Variants in DCDC1 observed in about 807,000 individuals in gnomAD.
DCDC1 encodes doublecortin domain-containing protein 1.
DCDC1 carries 200 observed loss-of-function variants against 178.3 expected under a neutral mutation model. That is an observed-to-expected ratio of 1.12 (90% CI 1.00 to 1.26). DCDC1 has a LOEUF of 1.26. Ranked by LOEUF, DCDC1 falls within the 50% of genes most tolerant of loss-of-function variation. The probability of loss-of-function intolerance (pLI) is 0.00; values close to 1 mark genes in which losing one functional copy is unlikely to be tolerated. For missense variants in DCDC1, 1,983 were observed against 1,749.2 expected, an observed-to-expected ratio of 1.13 and a Z score of -2.38; for synonymous variants, 690 against 604.8, an observed-to-expected ratio of 1.14 and a Z score of -2.07.
intron 20 of DCDC1, among the ~76,000 whole-genome samples, chr11:31,010,384 T>A (rs1056906362): frequency 6.6e-6 from 1 of 152,168 alleles, no homozygotes; most frequent in African/African-American, 2.4e-5. Context: ...GGACTTTGAT[T>A]TCAAGATGCC....
chr11:31,204,467 G>A (rs373122853), intron 9 of DCDC1, among the ~76,000 whole-genome samples: 4 of 151,580 alleles, frequency 2.6e-5, no homozygotes, highest in African/African-American at 9.7e-5. Flanking sequence ...TTCCTAGATA[G>A]GGAATTCCAA....
chr11:31,044,253 G>A (rs551694079), intron 20 of DCDC1, among the ~76,000 whole-genome samples: 11 of 152,130 alleles, frequency 7.2e-5, no homozygotes, highest in Non-Finnish European at 1.0e-4. Context: ...CAAGGCTGGC[G>A]GATCACAAAG....
intron 9 of DCDC1, among the ~76,000 whole-genome samples, chr11:31,192,880 A>C (rs1970281927): frequency 6.6e-6 from 1 of 152,110 alleles, no homozygotes; most frequent in Admixed American, 6.6e-5. Flanking sequence ...GCACTCATCA[A>C]TGTAAGTGAT....
At chr11:30,976,489 A>G (rs868793210) in intron 20 of DCDC1, among the ~76,000 whole-genome samples, 1 of 152,104 alleles carries the variant, frequency 6.6e-6, no homozygotes, top group South Asian at 2.1e-4. Flanking sequence ...TCAACAGTAA[A>G]AAGACAAATA....
rs944987725 is a variant in DCDC1, at chr11:31,211,899, G to A, written c.1221+29551C>T. 3.3e-5 allele frequency among the ~76,000 whole-genome samples: 5 copies of A among 151,974 alleles called. 1 individual carries two copies. The South Asian group carries it at 1.0e-3, about 32-fold the overall frequency. On this transcript the variant is annotated intron_variant, in intron 9 of 38. Transcript: ENST00000684477. ...AGATCGAGACCATCCTGGCTAACACGGTGAAACTCCGTCTCTACTAAAAAT... is the reference window on the plus strand; with the variant it reads ...AGATCGAGACCATCCTGGCTAACACAGTGAAACTCCGTCTCTACTAAAAAT...
chr11:30,871,251 G>C (rs1941525207), intron 38 of DCDC1, among the ~76,000 whole-genome samples: 1 of 152,152 alleles, frequency 6.6e-6, no homozygotes, highest in Non-Finnish European at 1.5e-5. Context: ...CCTCGGATAA[G>C]TAGAAAATTC....
chr11:31,106,641 C>G (rs922165840), intron 13 of DCDC1, among the ~76,000 whole-genome samples, 156 bp downstream of exon 13: 4 of 152,178 alleles, frequency 2.6e-5, no homozygotes, highest in Non-Finnish European at 5.9e-5. Flanking sequence ...TCATATTCCA[C>G]CAACAATACT....
At chr11:31,084,559 AC>A (rs1158230517) in intron 17 of DCDC1, among the ~76,000 whole-genome samples, 2 of 152,054 alleles carry the variant, frequency 1.3e-5, no homozygotes, top group Admixed American at 6.6e-5. Flanking sequence ...TTTTGGCTCC[AC>A]CTTGGATTTC....
At chr11:31,223,029 A>T (rs1433078003) in intron 9 of DCDC1, among the ~76,000 whole-genome samples, 2 of 152,232 alleles carry the variant, frequency 1.3e-5, no homozygotes, top group Non-Finnish European at 2.9e-5. Flanking sequence ...TTGAAATATC[A>T]AACATTAAAA....
intron 7 of DCDC1, among the ~76,000 whole-genome samples, chr11:31,273,850 G>A (rs7483900): frequency 6.6e-6 from 1 of 152,186 alleles, no homozygotes; most frequent in Non-Finnish European, 1.5e-5. Flanking sequence ...ACTCATGGTA[G>A]AAGGCAAATC....
chr11:30,935,250 C>G (rs574929854), intron 21 of DCDC1, among the ~76,000 whole-genome samples: 1 of 152,312 alleles, frequency 6.6e-6, no homozygotes, highest in East Asian at 1.9e-4. Context: ...GGTAGTCCAT[C>G]ATACGTCATC....
chr11:31,055,846 G>C (rs546570669), intron 20 of DCDC1, among the ~76,000 whole-genome samples: 4 of 152,186 alleles, frequency 2.6e-5, no homozygotes, highest in South Asian at 2.1e-4. Flanking sequence ...TTGGGTACTT[G>C]GGGGGAAGGA....
intron 36 of DCDC1, among the ~76,000 whole-genome samples, chr11:30,891,085 T>C (rs1943733603): frequency 6.6e-6 from 1 of 152,216 alleles, no homozygotes; most frequent in Non-Finnish European, 1.5e-5. Flanking sequence ...CCCATTTCTC[T>C]ACATTCCCAA....
chr11:31,177,686 T>G (rs1968238425), intron 9 of DCDC1, among the ~76,000 whole-genome samples: 2 of 152,124 alleles, frequency 1.3e-5, no homozygotes, highest in South Asian at 2.1e-4. Flanking sequence ...GCACATAACA[T>G]TCCATGAAAA....
chr11:31,189,604 A>G (rs571957037), intron 9 of DCDC1, among the ~76,000 whole-genome samples: 48 of 152,204 alleles, frequency 3.2e-4, no homozygotes, highest in African/African-American at 1.2e-3. Context: ...TGCAGGGGAG[A>G]ACCTGTTTCC....
chr11:30,876,619 T>C lies in DCDC1; in HGVS notation c.*40+1925A>G, dbSNP rs74326390. 1.9e-3 allele frequency among the ~76,000 whole-genome samples: 295 copies of C among 152,306 alleles called. 4 individuals are homozygous for C. In the East Asian group the frequency reaches 0.038, roughly 20 times the overall value. ...TCTCCTGATGCTTGATACAGCGTTG[T>C]GTGATATTACCAATTTTCGCTTCAG... On this transcript the variant is annotated intron_variant, in intron 38 of 38. Coordinates refer to ENST00000684477, the MANE Select transcript of DCDC1 (RefSeq NM_001387274.1).
chr11:31,280,600 A>C (rs1043127789), intron 7 of DCDC1: 3 of 351,486 alleles, frequency 8.5e-6, no homozygotes, highest in Non-Finnish European at 1.6e-5. Flanking sequence ...AAATCTATTA[A>C]AGTATGGTAT....
At chr11:30,993,023 C>T (rs939772144) in intron 20 of DCDC1, among the ~76,000 whole-genome samples, 1 of 151,920 alleles carries the variant, frequency 6.6e-6, no homozygotes, top group African/African-American at 2.4e-5. Context: ...TTAGGCTTAA[C>T]TTTCCTAAAT....
At chr11:31,141,334 G>C (rs921257430) in intron 9 of DCDC1, among the ~76,000 whole-genome samples, 3 of 152,068 alleles carry the variant, frequency 2.0e-5, no homozygotes, top group Admixed American at 2.0e-4. Context: ...AATTCATATT[G>C]ACATTCCAGA....
Sources: allele counts gnomAD v4.1 joint callset (sites outside exome capture counted in the v4.1 genomes callset), GRCh38; gene constraint gnomAD v4.1.1; transcripts MANE v1.5; gene names NCBI Gene and HGNC (gene_info 2026-07-23, HGNC 2026-07-21).